CORIN: variants seen among roughly 807,000 people sequenced by gnomAD.
CORIN encodes corin, serine peptidase.
A neutral mutation model predicts 125.3 loss-of-function variants in CORIN; 117 were observed. The ratio of observed to expected loss-of-function variants is 0.93; its 90% CI spans 0.80 to 1.09. The LOEUF (loss-of-function observed/expected upper bound fraction) is 1.09. CORIN is among the 50% of genes least tolerant of loss of function. CORIN has a pLI of 0.00. For missense variants in CORIN, 1,253 were observed against 1,306.7 expected, an observed-to-expected ratio of 0.96 and a Z score of 0.63; for synonymous variants, 450 against 466.4, an observed-to-expected ratio of 0.96 and a Z score of 0.45.
At chr4:47,778,371 T>C (rs1730389790) in intron 3 of CORIN, among the ~76,000 whole-genome samples, 1 of 152,172 alleles carries the variant, frequency 6.6e-6, no homozygotes, top group Admixed American at 6.5e-5. Context: ...AAAGGAAATC[T>C]AGGACTGTAC....
chr4:47,738,707 C>T (rs945494516), intron 5 of CORIN, among the ~76,000 whole-genome samples: 1 of 152,030 alleles, frequency 6.6e-6, no homozygotes, highest in Non-Finnish European at 1.5e-5. Context: ...AAAAAACAGT[C>T]AACAAAAACT....
intron 19 of CORIN, among the ~76,000 whole-genome samples, chr4:47,621,786 G>A (rs564260893): frequency 9.9e-5 from 15 of 151,744 alleles, no homozygotes; most frequent in South Asian, 4.2e-4. Flanking sequence ...TTAAATCAGC[G>A]GACTTTGAGT....
intron 5 of CORIN, among the ~76,000 whole-genome samples, chr4:47,736,639 T>C (rs957309223): frequency 6.6e-6 from 1 of 152,190 alleles, no homozygotes; most frequent in Non-Finnish European, 1.5e-5. Flanking sequence ...CCTCCTACCC[T>C]CCACCTTCTG....
At chr4:47,620,718 G>A (rs752799595) in intron 19 of CORIN, among the ~76,000 whole-genome samples, 28 of 152,250 alleles carry the variant, frequency 1.8e-4, no homozygotes, top group South Asian at 4.1e-4. Flanking sequence ...TTTACCTTTC[G>A]GTGTCTTACT....
intron 19 of CORIN, among the ~76,000 whole-genome samples, chr4:47,615,970 G>A (rs1030561112): frequency 6.6e-6 from 1 of 152,192 alleles, no homozygotes; most frequent in Non-Finnish European, 1.5e-5. Context: ...TGACTCCTAG[G>A]TTTGGTATAT....
intron 19 of CORIN, 80 bp downstream of exon 19, chr4:47,623,491 A>T: frequency 2.1e-6 from 3 of 1,447,964 alleles, no homozygotes; most frequent in Non-Finnish European, 2.8e-6. Flanking sequence ...GGCTTCATGG[A>T]GTTACATATG....
At chr4:47,693,160 T>C (rs1340667518) in intron 5 of CORIN, 77 bp from the exon 6 acceptor site, 1 of 916,810 alleles carries the variant, frequency 1.1e-6, no homozygotes, top group Non-Finnish European at 1.7e-6. Context: ...AATAAATACA[T>C]AGAAAATCTT....
rs1385596768 is a variant in CORIN at position 47,766,296 on chromosome 4, G to A, written c.410-2710C>T. ...TCTAGGACAGGAATTGGATCCCGTGGTGCCAGAAACATAGGCTCTTTATGT... is the reference window on the plus strand; with the variant it reads ...TCTAGGACAGGAATTGGATCCCGTGATGCCAGAAACATAGGCTCTTTATGT... On this transcript the variant is annotated intron_variant, in intron 3 of 21. Coordinates refer to ENST00000273857, the MANE Select transcript of CORIN (RefSeq NM_006587.4). Among the ~76,000 whole-genome samples, 4 of 152,300 alleles carry A rather than the reference G, an allele frequency of 2.6e-5. No individual in the cohort carries two copies. In the East Asian group the frequency reaches 7.7e-4, roughly 29 times the overall value.
At chr4:47,664,981 T>C in intron 11 of CORIN, 51 bp downstream of exon 11, 2 of 1,289,560 alleles carry the variant, frequency 1.6e-6, no homozygotes, top group Non-Finnish European at 2.2e-6. Context: ...CTTCACCCCT[T>C]GGTTCTCTCT....
chr4:47,674,264 A>T (rs2109696989), intron 10 of CORIN, 129 bp downstream of exon 10: 2 of 674,200 alleles, frequency 3.0e-6, no homozygotes, highest in South Asian at 1.9e-5. Context: ...GACCTTTTAA[A>T]AAGAAAAAGA....
chr4:47,652,726 C>T (rs1365273809), intron 13 of CORIN: 1 of 152,126 alleles, frequency 6.6e-6, no homozygotes, highest in African/African-American at 2.4e-5. Context: ...GAGTTTTATC[C>T]TTTGCCGAAA....
intron 14 of CORIN, among the ~76,000 whole-genome samples, chr4:47,644,344 CACAG>C (rs753628232): frequency 1.3e-5 from 2 of 152,200 alleles, no homozygotes; most frequent in Non-Finnish European, 1.5e-5. Context: ...CTGAAAAAAT[CACAG>C]ACAAAGTGCT....
chr4:47,612,296 C>T (rs773246759), intron 19 of CORIN, among the ~76,000 whole-genome samples: 3 of 152,136 alleles, frequency 2.0e-5, no homozygotes, highest in Non-Finnish European at 4.4e-5. Flanking sequence ...GAGGGCCATT[C>T]GCCTCTCAGC....
chr4:47,726,088 A>C (rs1348754729), intron 5 of CORIN, among the ~76,000 whole-genome samples: 1 of 152,066 alleles, frequency 6.6e-6, no homozygotes, highest in Non-Finnish European at 1.5e-5. Context: ...GAAACAACAA[A>C]AGTCAATCTG....
intron 3 of CORIN, among the ~76,000 whole-genome samples, chr4:47,765,956 A>G (rs1482604698): frequency 6.6e-6 from 1 of 152,226 alleles, no homozygotes; most frequent in Admixed American, 6.5e-5. Flanking sequence ...AAATCATTTT[A>G]AAGAACTAAC....
intron 8 of CORIN, 61 bp downstream of exon 8, chr4:47,680,080 G>C: frequency 9.3e-7 from 1 of 1,072,254 alleles, no homozygotes; most frequent in South Asian, 1.3e-5. Context: ...TCAACCTTGA[G>C]TACAGCCTAA....
At chr4:47,737,799 C>T (rs1351783779) in intron 5 of CORIN, among the ~76,000 whole-genome samples, 1 of 152,156 alleles carries the variant, frequency 6.6e-6, no homozygotes, top group East Asian at 1.9e-4. Context: ...CTCACAACTA[C>T]ATCAGCTGTG....
intron 1 of CORIN, among the ~76,000 whole-genome samples, chr4:47,823,857 C>A (rs1732625842): frequency 3.9e-5 from 6 of 152,318 alleles, no homozygotes; most frequent in Middle Eastern, 3.4e-3. Context: ...TGCATGGACA[C>A]CTTCCTCCTC....
At chr4:47,696,828 G>T (rs1052142843) in intron 5 of CORIN, among the ~76,000 whole-genome samples, 21 of 152,068 alleles carry the variant, frequency 1.4e-4, no homozygotes, top group African/African-American at 4.6e-4. Flanking sequence ...AGCTTCCTAG[G>T]CTCTCTCTGT....
Sources: gnomAD v4.1 joint callset for allele counts (sites outside exome capture counted in the v4.1 genomes callset) on GRCh38, gnomAD v4.1.1 for gene constraint, MANE v1.5 for transcripts, NCBI Gene and HGNC (gene_info 2026-07-23, HGNC 2026-07-21) for gene names.